FAM149B1: variants seen among roughly 807,000 people sequenced by gnomAD.
FAM149B1 encodes the protein primary cilium assembly protein FAM149B1.
Under a neutral mutation model 75.3 loss-of-function variants are expected in FAM149B1, and 56 were observed. That is an observed-to-expected ratio of 0.74 (90% CI 0.60 to 0.93). FAM149B1 has a LOEUF of 0.93. Ranked by LOEUF, FAM149B1 falls within the 40% of genes least tolerant of loss-of-function variation. The pLI, the probability that FAM149B1 is intolerant of heterozygous loss-of-function variation, is 0.00. For synonymous variants in FAM149B1, 259 were observed against 256.1 expected (o/e 1.01, Z -0.11); for missense variants, 639 against 708.4 (o/e 0.90, Z 1.11).
At chr10:73,223,810 G>A (rs565915714) in intron 7 of FAM149B1, among the ~76,000 whole-genome samples, 76 of 151,800 alleles carry the variant, frequency 5.0e-4, no homozygotes, top group African/African-American at 1.8e-3. Context: ...TATTATATGA[G>A]GTTAATTTTT....
chr10:73,220,679 G>T (rs770564828), intron 7 of FAM149B1, among the ~76,000 whole-genome samples: 14 of 152,144 alleles, frequency 9.2e-5, no homozygotes, highest in Non-Finnish European at 1.5e-5. Context: ...ATAAGAGTGG[G>T]CTCCTAATCC....
chr10:73,223,734 G>GT (rs11433486), intron 7 of FAM149B1, among the ~76,000 whole-genome samples: 51,066 of 145,794 alleles, frequency 0.35, 10,776 homozygotes, highest in Middle Eastern at 0.54. Context: ...TGTGTGTTAG[G>GT]TTTTTTTTTT....
At chr10:73,223,320 C>G (rs752769954) in intron 7 of FAM149B1, among the ~76,000 whole-genome samples, 4 of 152,154 alleles carry the variant, frequency 2.6e-5, no homozygotes, top group Non-Finnish European at 5.9e-5. Flanking sequence ...TAGTATATAC[C>G]CTTATGCATC....
intron 5 of FAM149B1, among the ~76,000 whole-genome samples, chr10:73,207,436 C>T (rs1178195824): frequency 1.3e-5 from 2 of 151,976 alleles, no homozygotes; most frequent in African/African-American, 2.4e-5. Context: ...TAGTGGTGCT[C>T]GCCTGTAATC....
chr10:73,235,267 G>T lies in FAM149B1; in HGVS notation c.1551G>T (p.Arg517Ser), dbSNP rs375135630. The T allele has an allele frequency of 2.6e-6, 4 of 1,552,072 alleles. No individual in the cohort carries two copies. The highest frequency in any genetic ancestry group is 2.0e-5 in the Admixed American group (1 of 50,990). The change falls in exon 12 of 14, where the codon AGG becomes AGT. Residue 517 changes from arginine (R) to serine (S), a missense_variant. By Grantham distance (110) the Arg-to-Ser change is moderately radical (BLOSUM62 -1). Transcript: ENST00000242505. ...CTAACTATCAGCAGCCACAAGAAAG[G>T]CTCCTTTTGCCCGACTTTTTCCCCA... Reference protein sequence around the residue: ...DEPNYQQPQERLLLPDFFPRP... With the variant: ...DEPNYQQPQESLLLPDFFPRP...
chr10:73,226,477 C>G (rs1371437410), intron 7 of FAM149B1, among the ~76,000 whole-genome samples: 1 of 152,118 alleles, frequency 6.6e-6, no homozygotes, highest in Admixed American at 6.5e-5. Context: ...CACGTTCCAG[C>G]CTGGGCAACA....
chr10:73,190,749 G>A (rs1043422947), intron 3 of FAM149B1, among the ~76,000 whole-genome samples: 15 of 147,554 alleles, frequency 1.0e-4, no homozygotes, highest in Non-Finnish European at 1.9e-4. Flanking sequence ...AAGAGATGAG[G>A]TCTCACTTGG....
chr10:73,208,301 C>G (rs1455336162), intron 5 of FAM149B1, among the ~76,000 whole-genome samples: 5 of 152,244 alleles, frequency 3.3e-5, no homozygotes, highest in African/African-American at 9.6e-5. Context: ...CCTATTAAAT[C>G]TCTTTTCTTA....
At chr10:73,168,488 G>A in intron 1 of FAM149B1, 102 bp downstream of exon 1, 1 of 1,381,742 alleles carries the variant, frequency 7.2e-7, no homozygotes, top group Non-Finnish European at 9.8e-7. Context: ...GGGCTGGGGA[G>A]AGATTTTTCT....
chr10:73,240,444 G>A (rs1425421597), intron 13 of FAM149B1, among the ~76,000 whole-genome samples: 1 of 152,176 alleles, frequency 6.6e-6, no homozygotes, highest in Non-Finnish European at 1.5e-5. Context: ...TGGGCGTGGT[G>A]GCTCATGCCT....
chr10:73,180,530 A>G (rs1475597271), intron 3 of FAM149B1, among the ~76,000 whole-genome samples: 2 of 152,264 alleles, frequency 1.3e-5, no homozygotes, highest in African/African-American at 2.4e-5. Flanking sequence ...GTATCTCTTT[A>G]TAACTTATAA....
At chr10:73,189,497 G>A (rs1177929379) in intron 3 of FAM149B1, among the ~76,000 whole-genome samples, 3 of 152,144 alleles carry the variant, frequency 2.0e-5, no homozygotes, top group African/African-American at 7.2e-5. Flanking sequence ...TAACATAAAC[G>A]TCCCTTAACA....
rs1445487732 is a variant in FAM149B1 at position 73,235,220 on chromosome 10, C to A, written c.1504C>A (p.Gln502Lys). ...MKPHGDSSRA[Q>K]SAVVDEPNYQ... ...ACCCCATGGCGACTCTAGTCGAGCT[C>A]AAAGTGCGGTGGTGGATGAACCTAA... Residue 502 changes from glutamine (Q) to lysine (K), a missense_variant, in exon 12 of 14, where the codon CAA becomes AAA. Coordinates refer to ENST00000242505, the MANE Select transcript of FAM149B1 (RefSeq NM_173348.2). 6.4e-7 allele frequency: 1 copy of A among 1,551,738 alleles called. No individual in the cohort carries two copies. The highest frequency in any genetic ancestry group is 8.7e-7 in the Non-Finnish European group (1 of 1,146,974).
chr10:73,191,677 A>G (rs557465871), intron 3 of FAM149B1, among the ~76,000 whole-genome samples: 3 of 152,240 alleles, frequency 2.0e-5, no homozygotes, highest in Non-Finnish European at 4.4e-5. Flanking sequence ...GGTCAAGGAC[A>G]TAAGTTGTCA....
At chr10:73,197,234 C>G (rs1386953586) in intron 5 of FAM149B1, among the ~76,000 whole-genome samples, 9 of 152,158 alleles carry the variant, frequency 5.9e-5, no homozygotes, top group African/African-American at 2.2e-4. Flanking sequence ...AACTCCTGGG[C>G]TCAAGTGATT....
At chr10:73,185,373 A>AC (rs1391099622) in intron 3 of FAM149B1, among the ~76,000 whole-genome samples, 1 of 152,142 alleles carries the variant, frequency 6.6e-6, no homozygotes, top group Non-Finnish European at 1.5e-5. Context: ...ACATAGTGAG[A>AC]CCCCATCTCT....
intron 3 of FAM149B1, among the ~76,000 whole-genome samples, chr10:73,188,213 G>A (rs1007552487): frequency 3.9e-5 from 6 of 152,142 alleles, no homozygotes; most frequent in Non-Finnish European, 7.3e-5. Context: ...AAGGTACAAA[G>A]GCAATTCAAT....
intron 7 of FAM149B1, among the ~76,000 whole-genome samples, chr10:73,224,831 T>C (rs1422934375): frequency 6.6e-6 from 1 of 152,144 alleles, no homozygotes; most frequent in Non-Finnish European, 1.5e-5. Context: ...TTTGGGGTGA[T>C]AAAAAGTTAT....
At chr10:73,183,313 C>G (rs1314131843) in intron 3 of FAM149B1, 3 of 151,998 alleles carry the variant, frequency 2.0e-5, no homozygotes, top group African/African-American at 7.3e-5. Context: ...GGAGTTTATA[C>G]TTGTAGAAGT....
Sources: allele counts gnomAD v4.1 joint callset (sites outside exome capture counted in the v4.1 genomes callset), GRCh38; gene constraint gnomAD v4.1.1; transcripts MANE v1.5; gene names NCBI Gene and HGNC (gene_info 2026-07-23, HGNC 2026-07-21).